The following C6orf62 variants were observed in gnomAD, a reference collection of about 807,000 sequenced individuals.
C6orf62 encodes chromosome 6 open reading frame 62, also known as uncharacterized protein C6orf62.
C6orf62 carries 16 observed loss-of-function variants against 26.8 expected under a neutral mutation model. That is an observed-to-expected ratio of 0.60 (90% CI 0.40 to 0.91). The LOEUF is 0.91. C6orf62 is among the 40% of genes least tolerant of loss of function. The pLI is 0.00. For synonymous variants in C6orf62, 112 were observed against 91.5 expected (o/e 1.22, Z -1.28); for missense variants, 192 against 271.4 (o/e 0.71, Z 2.06).
In C6orf62 at chr6:24,718,839, G is replaced by A; in HGVS notation, c.-171C>T. 6.8e-7 allele frequency: 1 copy of A among 1,467,360 alleles called. No individual in the cohort carries two copies. Among genetic ancestry groups the A allele is most frequent in the Non-Finnish European group, 8.9e-7 (1 of 1,118,622 alleles). 90.9% of individuals were successfully genotyped at this position (1,467,360 alleles called of 1,614,324 possible). ...ACTGCACCTTCTGTCAATATTAGCAGACTGTCATATTACAGGGTCAAGAAA... is the reference window on the plus strand; with the variant it reads ...ACTGCACCTTCTGTCAATATTAGCAAACTGTCATATTACAGGGTCAAGAAA... On this transcript the variant is annotated 5_prime_UTR_variant, in exon 1 of 5. Coordinates refer to ENST00000378119, the MANE Select transcript of C6orf62 (RefSeq NM_030939.5).
Position 24,718,768 on chromosome 6 carries a change from CCTG to C in C6orf62, c.-103_-101del, listed in dbSNP as rs551863394. On this transcript the variant is annotated 5_prime_UTR_variant, in exon 1 of 5. Coordinates refer to ENST00000378119, the MANE Select transcript of C6orf62 (RefSeq NM_030939.5). ...ACAACAGAAACAAGTCATTTTTTTT[CCTG>C]CTAATATGATTGATTAGCGAAAATC... is the stretch of plus-strand genomic sequence containing the variant. The C allele has an allele frequency of 1.4e-3, 2,230 of 1,573,252 alleles. 10 individuals are homozygous for C. The highest frequency in any genetic ancestry group is 1.9e-3 in the South Asian group (161 of 83,842).
chr6:24,720,013 G>GGGGCGGCC, upstream of C6orf62: 1 of 1,479,416 alleles, frequency 6.8e-7, no homozygotes, highest in Non-Finnish European at 9.0e-7. Context: ...TCTAAAGTAA[G>GGGGCGGCC]CCCACCCACC....
chr6:24,706,912 AAAAT>A (rs1779021526), intron 4 of C6orf62: 1 of 152,224 alleles, frequency 6.6e-6, no homozygotes, highest in South Asian at 2.1e-4. Flanking sequence ...CTTGTCTCAA[AAAAT>A]AAATAAAAGA....
At chr6:24,707,903 C>T (rs978345970) in intron 4 of C6orf62, among the ~76,000 whole-genome samples, 108 of 150,486 alleles carry the variant, frequency 7.2e-4, no homozygotes, top group African/African-American at 2.4e-3. Context: ...CCCAGCTACT[C>T]GGGAGGCTGA....
intron 4 of C6orf62, 49 bp downstream of exon 4, chr6:24,708,728 A>ACC (rs762816498): frequency 6.2e-7 from 1 of 1,610,962 alleles, no homozygotes; most frequent in Non-Finnish European, 8.5e-7. Context: ...TTTACTAACC[A>ACC]ATAAGTTTTT....
Position 24,706,110 on chromosome 6 carries a change from A to T in C6orf62, c.*27T>A. On this transcript the variant is annotated 3_prime_UTR_variant, in exon 5 of 5. Coordinates refer to ENST00000378119, the MANE Select transcript of C6orf62 (RefSeq NM_030939.5). ...AAAAAAACTGCTGCTGCATTCTCTGATCTTCTCCATTTTGCTGGTCAGTAC... is the reference window on the plus strand; with the variant it reads ...AAAAAAACTGCTGCTGCATTCTCTGTTCTTCTCCATTTTGCTGGTCAGTAC... The T allele has an allele frequency of 6.2e-7, 1 of 1,607,306 alleles. No homozygotes were observed. Among genetic ancestry groups the T allele is most frequent in the Admixed American group, 1.7e-5 (1 of 58,810 alleles).
chr6:24,719,286 T>TA (rs1779304481), upstream of C6orf62: 4 of 989,766 alleles, frequency 4.0e-6, no homozygotes, highest in South Asian at 1.3e-4. Flanking sequence ...ACCTAATTCT[T>TA]AGTTATTTCA....
At chr6:24,711,379 G>A (rs1173704077) in intron 3 of C6orf62, among the ~76,000 whole-genome samples, 1 of 152,084 alleles carries the variant, frequency 6.6e-6, no homozygotes, top group Non-Finnish European at 1.5e-5. Flanking sequence ...GAAGAGAAAA[G>A]AAGAGATACA....
chr6:24,710,019 C>T (rs1390372368), intron 3 of C6orf62: 3 of 984,110 alleles, frequency 3.0e-6, no homozygotes, highest in Admixed American at 6.2e-5. Context: ...AAATATGATA[C>T]AGCATCACAA....
intron 3 of C6orf62, among the ~76,000 whole-genome samples, chr6:24,712,297 G>C (rs1235820083): frequency 6.6e-6 from 1 of 152,034 alleles, no homozygotes; most frequent in Non-Finnish European, 1.5e-5. Flanking sequence ...CACAAGAACG[G>C]CTCAAACCTG....
At chr6:24,712,815 A>AGTG (rs1779149007) in intron 3 of C6orf62, among the ~76,000 whole-genome samples, 1 of 152,156 alleles carries the variant, frequency 6.6e-6, no homozygotes, top group Admixed American at 6.5e-5. Context: ...ATAAGGTCCC[A>AGTG]GTGGGAAAGG....
At chr6:24,719,458 G>A (rs1779307942), upstream of C6orf62, 1 of 1,089,636 alleles carries the variant, frequency 9.2e-7, no homozygotes, top group Non-Finnish European at 1.1e-6. Flanking sequence ...TGGCCCAAAG[G>A]AGCCATGAGA....
rs1050685093 is a variant in C6orf62 at position 24,705,986 on chromosome 6, A to T, written c.*151T>A. ...TTAAGTTCTGAGATAAAAATGATTT[A>T]AAAAAATCCAGGATGAACAAGTTTC... On this transcript the variant is annotated 3_prime_UTR_variant, in exon 5 of 5. Transcript: ENST00000378119. 6.4e-5 allele frequency: 76 copies of T among 1,189,464 alleles called. No homozygotes were observed. Among genetic ancestry groups the T allele is most frequent in the Non-Finnish European group, 4.7e-5 (42 of 888,416 alleles). The allele number at this position is 1,189,464 out of a possible 1,614,324, so 73.7% of individuals were successfully genotyped here. A position where few individuals can be genotyped will look rare whatever the true frequency, so the allele number is the denominator to read the frequency against.
upstream of C6orf62, chr6:24,720,792 G>GCGAAGGC (rs1276697338): frequency 2.6e-5 from 4 of 152,338 alleles, no homozygotes; most frequent in African/African-American, 9.6e-5. Context: ...TGCAGAAGCG[G>GCGAAGGC]CGAAGGCCTC....
intron 4 of C6orf62, among the ~76,000 whole-genome samples, 193 bp downstream of exon 4, chr6:24,708,584 C>T (rs1041427904): frequency 1.3e-5 from 2 of 152,164 alleles, no homozygotes; most frequent in African/African-American, 2.4e-5. Context: ...GCAATATGCC[C>T]GCCTCGGCTT....
At chr6:24,718,401 G>T in intron 1 of C6orf62, 139 bp downstream of exon 1, 1 of 793,700 alleles carries the variant, frequency 1.3e-6, no homozygotes, top group Non-Finnish European at 1.9e-6. Flanking sequence ...CACCCCTAAG[G>T]GTGAAAAAAC....
chr6:24,718,460 CATA>C (rs1489304433), intron 1 of C6orf62, 77 bp downstream of exon 1: 50 of 1,351,184 alleles, frequency 3.7e-5, no homozygotes, highest in Middle Eastern at 2.1e-4. Context: ...ACCTAATATT[CATA>C]ATAATTTAAG....
chr6:24,709,775 G>A (rs1779084155), intron 3 of C6orf62: 1 of 985,284 alleles, frequency 1.0e-6, no homozygotes, highest in Admixed American at 6.1e-5. Context: ...GGCATGGTGA[G>A]ACACCAAATG....
At chr6:24,713,939 C>T (rs1489396705) in intron 3 of C6orf62, among the ~76,000 whole-genome samples, 1 of 152,178 alleles carries the variant, frequency 6.6e-6, no homozygotes, top group Non-Finnish European at 1.5e-5. Flanking sequence ...ATGATTTCTT[C>T]ACCCATTTCA....
Sources: gnomAD v4.1 joint callset for allele counts (sites outside exome capture counted in the v4.1 genomes callset) on GRCh38, gnomAD v4.1.1 for gene constraint, MANE v1.5 for transcripts, NCBI Gene and HGNC (gene_info 2026-07-23, HGNC 2026-07-21) for gene names.